The following MFHAS1 variants were observed in gnomAD, a reference collection of about 807,000 sequenced individuals.
MFHAS1 encodes multifunctional ROCO family signaling regulator 1, also known as malignant fibrous histiocytoma-amplified sequence 1.
Under a neutral mutation model 70.4 loss-of-function variants are expected in MFHAS1, and 50 were observed. The observed-to-expected ratio is 0.71, with a 90% CI of 0.57 to 0.90. The LOEUF is 0.90. MFHAS1 is among the 40% of genes least tolerant of loss of function. The probability of loss-of-function intolerance (pLI) is 0.00; values close to 1 mark genes in which losing one functional copy is unlikely to be tolerated. For missense variants in MFHAS1, 1,795 were observed against 1,347.6 expected, an observed-to-expected ratio of 1.33 and a Z score of -5.20; for synonymous variants, 952 against 620.0, an observed-to-expected ratio of 1.54 and a Z score of -7.96.
At chr8:8,862,141 C>A (rs1170089777) in intron 1 of MFHAS1, among the ~76,000 whole-genome samples, 3 of 152,204 alleles carry the variant, frequency 2.0e-5, no homozygotes, top group Non-Finnish European at 2.9e-5. Flanking sequence ...ATTTTCCACT[C>A]CCAAGAGCAG....
intron 1 of MFHAS1, among the ~76,000 whole-genome samples, chr8:8,878,176 T>G (rs1809368927): frequency 6.6e-6 from 1 of 152,188 alleles, no homozygotes; most frequent in Non-Finnish European, 1.5e-5. Context: ...AGTACCAGAC[T>G]GTCTGCCCAG....
chr8:8,786,766 G>C (rs116448632), intron 2 of MFHAS1, among the ~76,000 whole-genome samples: 5 of 151,240 alleles, frequency 3.3e-5, no homozygotes, highest in African/African-American at 1.2e-4. Flanking sequence ...GGAAAAAGGA[G>C]TTACGATTCG....
intron 2 of MFHAS1, among the ~76,000 whole-genome samples, chr8:8,786,524 A>G (rs906323200): frequency 1.3e-5 from 2 of 152,240 alleles, no homozygotes; most frequent in East Asian, 1.9e-4. Flanking sequence ...TTAAAATGTT[A>G]TAAGTTAAGT....
intron 1 of MFHAS1, among the ~76,000 whole-genome samples, chr8:8,866,345 G>A (rs1808857300): frequency 1.3e-5 from 2 of 150,288 alleles, no homozygotes; most frequent in African/African-American, 2.4e-5. Context: ...TTTTGAGACA[G>A]GGTCTTACTG....
chr8:8,836,527 C>A (rs1807600807), intron 1 of MFHAS1, among the ~76,000 whole-genome samples: 1 of 152,022 alleles, frequency 6.6e-6, no homozygotes, highest in South Asian at 2.1e-4. Flanking sequence ...TACAGGTGTC[C>A]ACCACCACAC....
chr8:8,797,259 T>C (rs1006522009), intron 2 of MFHAS1, 106 bp downstream of exon 2: 1 of 1,330,712 alleles, frequency 7.5e-7, no homozygotes, highest in Non-Finnish European at 1.0e-6. Context: ...CAGGAGGACT[T>C]TGCAAGGTTT....
At chr8:8,789,514 A>C (rs1805658187) in intron 2 of MFHAS1, among the ~76,000 whole-genome samples, 1 of 152,114 alleles carries the variant, frequency 6.6e-6, no homozygotes. Flanking sequence ...CAGGTTAGGG[A>C]ATTGAAATCT....
At chr8:8,871,111 T>A (rs748307982) in intron 1 of MFHAS1, among the ~76,000 whole-genome samples, 1 of 152,106 alleles carries the variant, frequency 6.6e-6, no homozygotes, top group South Asian at 2.1e-4. Flanking sequence ...GCAAAGACCA[T>A]AGGTTCCTGA....
At chr8:8,807,771 C>T (rs1735907782) in intron 1 of MFHAS1, among the ~76,000 whole-genome samples, 1 of 152,262 alleles carries the variant, frequency 6.6e-6, no homozygotes, top group South Asian at 2.1e-4. Context: ...CTAAAACTTC[C>T]GAGGTCAATG....
chr8:8,816,832 A>C (rs1806765539), intron 1 of MFHAS1, among the ~76,000 whole-genome samples: 1 of 152,174 alleles, frequency 6.6e-6, no homozygotes. Context: ...AAGGACCCAC[A>C]TGTAAGAGCT....
intron 1 of MFHAS1, among the ~76,000 whole-genome samples, chr8:8,837,535 C>G (rs958745879): frequency 6.6e-6 from 1 of 151,884 alleles, no homozygotes; most frequent in Non-Finnish European, 1.5e-5. Context: ...CCAAGCTACT[C>G]GAGAGGCTGA....
At chr8:8,887,677 T>A (rs748232710) in intron 1 of MFHAS1, among the ~76,000 whole-genome samples, 2 of 151,436 alleles carry the variant, frequency 1.3e-5, no homozygotes, top group African/African-American at 4.8e-5. Context: ...AATCATTTGT[T>A]TTCCACATTG....
intron 1 of MFHAS1, among the ~76,000 whole-genome samples, chr8:8,842,136 G>A (rs1459057639): frequency 1.3e-5 from 2 of 152,080 alleles, no homozygotes; most frequent in Admixed American, 6.5e-5. Context: ...GAAGCAGCAC[G>A]ACCCACCCTA....
chr8:8,796,314 C>G (rs1456405000), intron 2 of MFHAS1, among the ~76,000 whole-genome samples: 2 of 152,204 alleles, frequency 1.3e-5, no homozygotes, highest in Non-Finnish European at 2.9e-5. Context: ...CTATTACTGA[C>G]TTTCTGCAGG....
At chr8:8,840,760 T>C (rs988943928) in intron 1 of MFHAS1, among the ~76,000 whole-genome samples, 5 of 152,204 alleles carry the variant, frequency 3.3e-5, no homozygotes, top group African/African-American at 7.2e-5. Context: ...ACTACACTTC[T>C]AGTCGAATTC....
At chr8:8,888,172 A>T (rs997492459) in intron 1 of MFHAS1, among the ~76,000 whole-genome samples, 2 of 152,260 alleles carry the variant, frequency 1.3e-5, no homozygotes, top group Admixed American at 1.3e-4. Context: ...CCAGATAAAC[A>T]TACAGAATGG....
At chr8:8,846,946 G>A (rs1388335478) in intron 1 of MFHAS1, among the ~76,000 whole-genome samples, 2 of 152,060 alleles carry the variant, frequency 1.3e-5, no homozygotes, top group African/African-American at 4.8e-5. Context: ...GCAGAATGAA[G>A]GAATAAACTT....
rs886882834 is a variant in MFHAS1, at chr8:8,875,017, C to T, written c.2998+15044G>A. ...TTATACAAGAAAACGTTCACATCCA[C>T]TAGTTAAAATCTTCAGTCACCAGTG... On this transcript the variant is annotated intron_variant, in intron 1 of 2. Coordinates refer to ENST00000276282, the MANE Select transcript of MFHAS1 (RefSeq NM_004225.3). Among the ~76,000 whole-genome samples, 3 of 151,952 alleles carry T rather than the reference C, an allele frequency of 2.0e-5. No homozygotes were observed. In the East Asian group the frequency reaches 5.8e-4, roughly 29 times the overall value.
intron 1 of MFHAS1, among the ~76,000 whole-genome samples, chr8:8,881,488 C>A (rs1809522097): frequency 6.6e-6 from 1 of 152,206 alleles, no homozygotes; most frequent in Non-Finnish European, 1.5e-5. Flanking sequence ...CCTTCCTGCA[C>A]CTATTCCACC....
Sources: gnomAD v4.1 joint callset for allele counts (sites outside exome capture counted in the v4.1 genomes callset) on GRCh38, gnomAD v4.1.1 for gene constraint, MANE v1.5 for transcripts, NCBI Gene and HGNC (gene_info 2026-07-23, HGNC 2026-07-21) for gene names.